Variants in NEK4 observed in about 807,000 individuals in gnomAD.
The protein encoded by NEK4 is serine/threonine-protein kinase Nek4.
In NEK4, 86 loss-of-function variants were observed where a neutral mutation model predicts 98.4. That is an observed-to-expected ratio of 0.87 (90% CI 0.73 to 1.05). The LOEUF (loss-of-function observed/expected upper bound fraction) is 1.05. Ranked by LOEUF, NEK4 falls within the 50% of genes least tolerant of loss-of-function variation. The pLI is 0.00. For synonymous variants in NEK4, 328 were observed against 342.2 expected (o/e 0.96, Z 0.46); for missense variants, 898 against 950.3 (o/e 0.94, Z 0.72).
At chr3:52,762,671 G>C (rs565161393) in intron 5 of NEK4, among the ~76,000 whole-genome samples, 1 of 152,048 alleles carries the variant, frequency 6.6e-6, no homozygotes, top group Non-Finnish European at 1.5e-5. Context: ...CCACGAGGTC[G>C]GGAGTTCAAG....
chr3:52,732,197 C>CA (rs1553915779), intron 15 of NEK4, among the ~76,000 whole-genome samples: 1 of 151,388 alleles, frequency 6.6e-6, no homozygotes, highest in Admixed American at 6.6e-5. Flanking sequence ...AGATTGATTT[C>CA]TTTTTTTTTC....
At chr3:52,719,679 G>A in intron 15 of NEK4, among the ~76,000 whole-genome samples, 1 of 151,546 alleles carries the variant, frequency 6.6e-6, no homozygotes, top group Admixed American at 6.6e-5. Context: ...GTAAAGAAAG[G>A]TATAATGACA....
chr3:52,712,376 CAGG>C (rs534661971), intron 15 of NEK4, among the ~76,000 whole-genome samples: 236 of 152,322 alleles, frequency 1.5e-3, no homozygotes, highest in Admixed American at 2.9e-3. Context: ...ACCATACAGA[CAGG>C]CAGGCTGTGG....
intron 3 of NEK4, 51 bp from the exon 4 acceptor site, chr3:52,766,045 T>C (rs751238020): frequency 4.0e-5 from 57 of 1,440,218 alleles, no homozygotes; most frequent in Non-Finnish European, 5.4e-5. Context: ...CTTATTTACA[T>C]TTTTTTCCCT....
At chr3:52,732,904 CT>C in intron 15 of NEK4, 1 of 231,352 alleles carries the variant, frequency 4.3e-6, no homozygotes, top group East Asian at 1.1e-4. Context: ...TTGGATTAAC[CT>C]TCAGTCACAT....
intron 6 of NEK4, chr3:52,754,592 C>G: frequency 8.4e-7 from 1 of 1,191,146 alleles, no homozygotes; most frequent in Non-Finnish European, 1.2e-6. Flanking sequence ...CTCAGAAAAG[C>G]CTGAAGAACA....
Position 52,739,568 on chromosome 3 carries a change from A to G in NEK4, c.2160T>C (p.Ser720=). The change falls in exon 14 of 16, where the codon TCT becomes TCC. Residue 720 remains serine, a synonymous_variant. Transcript: ENST00000233027. ...QLMTQTLKLD[S]KESCEDVPVA... The stretch of plus-strand genomic sequence containing the variant: ...CCGGGACATCTTCACAGCTCTCTTT[A>G]GAATCCAGTTTCAGGGTCTGAGTCA... 1.2e-6 allele frequency: 2 copies of G among 1,614,200 alleles called. No individual in the cohort carries two copies. Among genetic ancestry groups the G allele is most frequent in the Non-Finnish European group, 1.7e-6 (2 of 1,180,034 alleles).
chr3:52,716,083 T>A (rs1236185584), intron 15 of NEK4, among the ~76,000 whole-genome samples: 1 of 152,228 alleles, frequency 6.6e-6, no homozygotes, highest in African/African-American at 2.4e-5. Flanking sequence ...CCCGCCCCGC[T>A]GCAGCAACTA....
chr3:52,748,947 C>T (rs778800283), intron 8 of NEK4, among the ~76,000 whole-genome samples: 1 of 151,866 alleles, frequency 6.6e-6, no homozygotes, highest in African/African-American at 2.4e-5. Context: ...ATTAGCCAGG[C>T]GTGCTGGCGT....
rs1453515544 is a variant in NEK4, at chr3:52,709,581, G to A, written c.*2196C>T. The stretch of plus-strand genomic sequence containing the variant: ...CCAGGTGTGGTGGTGCATGCCTGTG[G>A]TCCTAGCTACTTGAGGGGCTGAGGT... On this transcript the variant is annotated 3_prime_UTR_variant, in exon 16 of 16. Transcript: ENST00000233027. 6.6e-6 allele frequency: 1 copy of A among 150,938 alleles called. No individual in the cohort carries two copies. The highest frequency in any genetic ancestry group is 2.4e-5 in the African/African-American group (1 of 41,010). The allele number at this position is 150,938 out of a possible 1,614,324, so 9.3% of individuals were successfully genotyped here. A position where few individuals can be genotyped will look rare whatever the true frequency, so the allele number is the denominator to read the frequency against.
intron 15 of NEK4, among the ~76,000 whole-genome samples, chr3:52,718,976 C>T (rs1402986465): frequency 6.6e-6 from 1 of 152,136 alleles, no homozygotes; most frequent in African/African-American, 2.4e-5. Context: ...AAGCTGGTCT[C>T]GAACTCCCAA....
chr3:52,752,781 T>C (rs1039993159), intron 6 of NEK4, among the ~76,000 whole-genome samples: 1 of 149,172 alleles, frequency 6.7e-6, no homozygotes, highest in African/African-American at 2.5e-5. Context: ...ATGTCTGTAG[T>C]CCCAGTTACC....
intron 4 of NEK4, 74 bp from the exon 5 acceptor site, chr3:52,763,698 C>A (rs759480706): frequency 1.2e-5 from 14 of 1,139,462 alleles, no homozygotes; most frequent in Non-Finnish European, 1.8e-5. Flanking sequence ...AGAGGTTTCC[C>A]AATATTTATT....
rs774768444 is a variant in NEK4 at position 52,752,292 on chromosome 3, A to AC, written c.1007dup (p.Leu337SerfsTer28). 26 of 1,614,068 alleles carry AC rather than the reference A, an allele frequency of 1.6e-5. 1 individual carries two copies. The South Asian group carries it at 2.9e-4, about 18-fold the overall frequency. On this transcript the variant is annotated frameshift_variant, in exon 7 of 16. Transcript: ENST00000233027. LOFTEE classifies it high-confidence loss of function. ...TCAGACTGGCAGGTGACTTCAAGAGACCAGAGGCCCTGGGTTTCTCCTGGG... is the reference window on the plus strand; with the variant it reads ...TCAGACTGGCAGGTGACTTCAAGAGACCCAGAGGCCCTGGGTTTCTCCTGGG...
Position 52,770,906 on chromosome 3 carries a change from C to T in NEK4, c.-160G>A. On this transcript the variant is annotated 5_prime_UTR_variant, in exon 1 of 16. Coordinates refer to ENST00000233027, the MANE Select transcript of NEK4 (RefSeq NM_003157.6). ...TGCTGGGGCCCGGCCCGCGACGACG[C>T]CGCTGCCATAGCGATCCGGGCCGGG... 3.2e-6 allele frequency: 2 copies of T among 627,994 alleles called. No homozygotes were observed. Among genetic ancestry groups the T allele is most frequent in the Non-Finnish European group, 5.5e-6 (2 of 361,628 alleles). The allele number at this position is 627,994 out of a possible 1,614,324, so 38.9% of individuals were successfully genotyped here.
rs1201410808 is a variant in NEK4, at chr3:52,741,581, A to G, written c.2005-82T>C. On this transcript the variant is annotated intron_variant, in intron 12 of 15. Coordinates refer to ENST00000233027, the MANE Select transcript of NEK4 (RefSeq NM_003157.6). ...ACTTGAACCAGTCTTAGATGCAACA[A>G]CTAGACACAATACGTTCCTAGGTGC... 1.5e-5 allele frequency: 12 copies of G among 809,656 alleles called. No individual in the cohort carries two copies. The African/African-American group carries it at 1.9e-4, about 13-fold the overall frequency. 50.2% of individuals were successfully genotyped at this position (809,656 alleles called of 1,614,324 possible). A position where few individuals can be genotyped will look rare whatever the true frequency, so the allele number is the denominator to read the frequency against.
At chr3:52,731,250 A>C (rs1312969339) in intron 15 of NEK4, among the ~76,000 whole-genome samples, 1 of 152,238 alleles carries the variant, frequency 6.6e-6, no homozygotes, top group Non-Finnish European at 1.5e-5. Context: ...AAAATTTACA[A>C]ACATACTTTT....
intron 15 of NEK4, among the ~76,000 whole-genome samples, chr3:52,736,196 G>A (rs910586314): frequency 3.9e-5 from 6 of 152,052 alleles, no homozygotes; most frequent in South Asian, 2.1e-4. Flanking sequence ...CCAGTAAGTG[G>A]TTCTTATGTA....
At chr3:52,735,936 C>A (rs770181675) in intron 15 of NEK4, among the ~76,000 whole-genome samples, 1 of 152,166 alleles carries the variant, frequency 6.6e-6, no homozygotes, top group Non-Finnish European at 1.5e-5. Flanking sequence ...TCTGACCAGC[C>A]ATTTAAAAAT....
Sources: gnomAD v4.1 joint callset for allele counts (sites outside exome capture counted in the v4.1 genomes callset) on GRCh38, gnomAD v4.1.1 for gene constraint, MANE v1.5 for transcripts, NCBI Gene and HGNC (gene_info 2026-07-23, HGNC 2026-07-21) for gene names.